Variants in CRLF1 observed in about 807,000 individuals in gnomAD.
CRLF1 encodes the protein cytokine receptor like factor 1.
CRLF1 carries 36 observed loss-of-function variants against 48.9 expected under a neutral mutation model. That is an observed-to-expected ratio of 0.74 (90% CI 0.56 to 0.97). CRLF1 has a LOEUF of 0.97. Among genes scored for constraint, CRLF1 ranks in the 50% least tolerant of loss-of-function variants. The pLI, the probability that CRLF1 is intolerant of heterozygous loss-of-function variation, is 0.00. For synonymous variants in CRLF1, 256 were observed against 253.4 expected, an observed-to-expected ratio of 1.01 and a Z score of -0.10; for missense variants, 534 against 575.1, an observed-to-expected ratio of 0.93 and a Z score of 0.73.
intron 6 of CRLF1, among the ~76,000 whole-genome samples, chr19:18,594,853 G>T (rs1270818833): frequency 6.6e-6 from 1 of 152,104 alleles, no homozygotes; most frequent in East Asian, 1.9e-4. Flanking sequence ...ATGGAGAGAT[G>T]GAGACGCAGG....
chr19:18,596,646 T>G lies in CRLF1; in HGVS notation c.1000A>C (p.Thr334Pro). The change falls in exon 6 of 9, where the codon ACA becomes CCA. Residue 334 changes from threonine to proline, a missense_variant. Coordinates refer to ENST00000392386, the MANE Select transcript of CRLF1 (RefSeq NM_004750.5). ...AGIWSEWSHP[T>P]AASTPRSERP... is the part of the protein sequence containing the mutation. Reference sequence around the variant, plus strand: ...CCACTGCGGGGAGTGGAGGCGGCTGTGGGGTGGCTCCACTCACTCCAGATC... The same window carrying G: ...CCACTGCGGGGAGTGGAGGCGGCTGGGGGGTGGCTCCACTCACTCCAGATC... The G allele has an allele frequency of 6.2e-7, 1 of 1,613,518 alleles. No homozygotes were observed.
chr19:18,593,584 A>C lies in CRLF1; in HGVS notation c.1256-5T>G. 1.2e-6 allele frequency: 2 copies of C among 1,608,236 alleles called. No individual in the cohort carries two copies. The highest frequency in any genetic ancestry group is 1.7e-6 in the Non-Finnish European group (2 of 1,177,764). ...CTACAGCTTATCTGGCAGGACCTGC[A>C]GGCAGAGGGGAAGCCAAGCTAAGCA... On this transcript the variant is annotated splice_region_variant and splice_polypyrimidine_tract_variant and intron_variant, in intron 8 of 8. Transcript: ENST00000392386.
At chr19:18,597,447 T>TTTTTTTTTTTTTG (rs71166529) in intron 4 of CRLF1, among the ~76,000 whole-genome samples, 2 of 128,178 alleles carry the variant, frequency 1.6e-5, no homozygotes, top group African/African-American at 3.3e-5. Context: ...TTTTTTTTTT[T>TTTTTTTTTTTTTG]GAGACGGAGT....
chr19:18,600,512 G>A (rs1413393664), intron 1 of CRLF1, among the ~76,000 whole-genome samples: 1 of 152,144 alleles, frequency 6.6e-6, no homozygotes, highest in Non-Finnish European at 1.5e-5. Context: ...AGGACTACGC[G>A]CCCGCCACCA....
At chr19:18,596,599 C>T in intron 6 of CRLF1, 23 bp downstream of exon 6, 1 of 1,610,886 alleles carries the variant, frequency 6.2e-7, no homozygotes, top group African/African-American at 1.3e-5. Flanking sequence ...CGCTGGATCA[C>T]CCAGCCCTAG....
chr19:18,602,144 C>T (rs906404197), intron 1 of CRLF1, among the ~76,000 whole-genome samples: 5 of 152,194 alleles, frequency 3.3e-5, no homozygotes, highest in Non-Finnish European at 2.9e-5. Context: ...GTGGTTGATG[C>T]CTCTCTCTCC....
chr19:18,597,029 C>T lies in CRLF1; in HGVS notation c.718G>A (p.Asp240Asn), dbSNP rs764135517. 5 of 1,612,632 alleles carry T rather than the reference C, an allele frequency of 3.1e-6. No homozygotes were observed. In the South Asian group the frequency reaches 4.4e-5, roughly 14 times the overall value. ...LDVVTTDPPP[D>N]VHVSRVGGLE... ...CCCCCGACGCGGCTCACGTGCACGT[C>T]GGGCGGGGGGTCCGTGGTCACTGCG... is the stretch of plus-strand genomic sequence containing the variant. Residue 240 changes from aspartate (D) to asparagine (N), a missense_variant, in exon 5 of 9, where the codon GAC becomes AAC. Around this residue, in one of 2 missense-constraint regions of CRLF1, gnomAD observed 528 missense variants for 555.7 expected, o/e 0.95. Transcript: ENST00000392386.
At chr19:18,600,280 C>T (rs1459867577) in intron 1 of CRLF1, among the ~76,000 whole-genome samples, 6 of 146,168 alleles carry the variant, frequency 4.1e-5, no homozygotes, top group African/African-American at 1.5e-4. Context: ...CTCACTGCAA[C>T]CTCCGCCTCC....
chr19:18,593,937 A>C, intron 8 of CRLF1, 128 bp downstream of exon 8: 1 of 1,479,716 alleles, frequency 6.8e-7, no homozygotes, highest in East Asian at 2.5e-5. Flanking sequence ...ACAAAGGAAG[A>C]GGACGGATTC....
chr19:18,593,653 C>CTT, intron 8 of CRLF1, 74 bp from the exon 9 acceptor site: 1 of 1,557,222 alleles, frequency 6.4e-7, no homozygotes, highest in Non-Finnish European at 8.7e-7. Context: ...CTGAAGGAGG[C>CTT]TTCATTCGTG....
Position 18,596,703 on chromosome 19 carries a change from G to A in CRLF1, c.943C>T (p.Pro315Ser). ...TTCTTGGAGCCATAGATGCCAAAGG[G>A]GTTGCAGCGCACTTGCACGAAGTAC... ...TVYFVQVRCNPFGIYGSKKAG... is the reference protein window; with the variant it reads ...TVYFVQVRCNSFGIYGSKKAG... Residue 315 changes from proline to serine, a missense_variant, in exon 6 of 9, where the codon CCC becomes TCC. Pro to Ser is a moderately conservative substitution (Grantham distance 74). Transcript: ENST00000392386. 1.9e-6 allele frequency: 3 copies of A among 1,614,132 alleles called. No individual in the cohort carries two copies. The highest frequency in any genetic ancestry group is 2.5e-6 in the Non-Finnish European group (3 of 1,180,042).
rs1001570616 is a variant in CRLF1, at chr19:18,606,591, C to T, written c.66G>A (p.Leu22=). Residue 22 remains leucine (L), a synonymous_variant, in exon 1 of 9, where the codon CTG becomes CTA. Coordinates refer to ENST00000392386, the MANE Select transcript of CRLF1 (RefSeq NM_004750.5). The surrounding 1 kb of genome is among the most constrained non-coding windows in gnomAD (Gnocchi z 4.8). ...SARRPPPLLP[L]LLLLCVLGAP... is the part of the protein sequence containing the mutation. ...CCCCGAGGACGCAGAGCAGCAGCAG[C>T]AGGGGCAGCAACGGCGGCGGCCGCC... 17 of 1,012,514 alleles carry T rather than the reference C, an allele frequency of 1.7e-5. No individual in the cohort carries two copies. Among genetic ancestry groups the T allele is most frequent in the Non-Finnish European group, 1.9e-5 (16 of 825,994 alleles). The allele number at this position is 1,012,514 out of a possible 1,614,324, so 62.7% of individuals were successfully genotyped here. A position where few individuals can be genotyped will look rare whatever the true frequency, so the allele number is the denominator to read the frequency against.
chr19:18,605,093 T>G (rs1245656403), intron 1 of CRLF1, among the ~76,000 whole-genome samples: 1 of 151,920 alleles, frequency 6.6e-6, no homozygotes, highest in Non-Finnish European at 1.5e-5. Context: ...GGTGTGAGAA[T>G]CTTTTATTTA....
intron 1 of CRLF1, among the ~76,000 whole-genome samples, chr19:18,600,424 AGT>A (rs1401066239): frequency 1.7e-4 from 26 of 151,270 alleles, no homozygotes; most frequent in Non-Finnish European, 2.9e-5. Flanking sequence ...GCTGGAGTGC[AGT>A]GGCACGATCT....
At chr19:18,604,688 C>G (rs918096960) in intron 1 of CRLF1, among the ~76,000 whole-genome samples, 1 of 152,136 alleles carries the variant, frequency 6.6e-6, no homozygotes, top group Non-Finnish European at 1.5e-5. Context: ...AGGGGAGCAG[C>G]TGGGAACAGC....
Position 18,600,830 on chromosome 19 carries a change from G to T in CRLF1, c.116-984C>A, listed in dbSNP as rs556170834. ...TGCTTTTTATTTTTTTAGCGACAGG[G>T]TCTCACTCTGTTGGCCAGGCTGGAG... On this transcript the variant is annotated intron_variant, in intron 1 of 8. Coordinates refer to ENST00000392386, the MANE Select transcript of CRLF1 (RefSeq NM_004750.5). 1.1e-4 allele frequency among the ~76,000 whole-genome samples: 16 copies of T among 152,070 alleles called. No individual in the cohort carries two copies. In the East Asian group the frequency reaches 1.2e-3, roughly 11 times the overall value.
chr19:18,606,473 C>G lies in CRLF1; in HGVS notation c.115+69G>C, dbSNP rs1471323811. On this transcript the variant is annotated intron_variant, in intron 1 of 8. Transcript: ENST00000392386. This position sits in a 1 kb window ranked among gnomAD's most constrained non-coding sequence, Gnocchi z 4.8. Reference sequence around the variant, plus strand: ...AGGTGGCGCCCGCGCCCCCTCCCCCCGCGGCTGCCCCCGGGGCGCCCGCCC... The same window carrying G: ...AGGTGGCGCCCGCGCCCCCTCCCCCGGCGGCTGCCCCCGGGGCGCCCGCCC... 1 of 1,072,682 alleles carries G rather than the reference C, an allele frequency of 9.3e-7. No homozygotes were observed. The highest frequency in any genetic ancestry group is 1.1e-6 in the Non-Finnish European group (1 of 884,656). 66.4% of individuals were successfully genotyped at this position (1,072,682 alleles called of 1,614,324 possible).
rs1976297590 is a variant in CRLF1, at chr19:18,606,464, C to T, written c.115+78G>A. ...CGGCCGTCCAGGTGGCGCCCGCGCCCCCTCCCCCCGCGGCTGCCCCCGGGG... is the reference window on the plus strand; with the variant it reads ...CGGCCGTCCAGGTGGCGCCCGCGCCTCCTCCCCCCGCGGCTGCCCCCGGGG... On this transcript the variant is annotated intron_variant, in intron 1 of 8. Coordinates refer to ENST00000392386, the MANE Select transcript of CRLF1 (RefSeq NM_004750.5). The surrounding 1 kb of genome is among the most constrained non-coding windows in gnomAD (Gnocchi z 4.8). The T allele has an allele frequency of 1.9e-6, 2 of 1,046,754 alleles. No individual in the cohort carries two copies. Among genetic ancestry groups the T allele is most frequent in the East Asian group, 1.2e-4 (2 of 17,032 alleles). 64.8% of individuals were successfully genotyped at this position (1,046,754 alleles called of 1,614,324 possible). A position where few individuals can be genotyped will look rare whatever the true frequency, so the allele number is the denominator to read the frequency against.
rs1976099315 is a variant in CRLF1 at position 18,594,275 on chromosome 19, ATCCAGGC to A, written c.1177_1183del (p.Ala393CysfsTer31). ...GTTGCGGGTCTTGTGCGACTTCTGCATCCAGGCTCGCCACTGGTCGTAGAGGCGGAAG... is the reference window on the plus strand; with the variant it reads ...GTTGCGGGTCTTGTGCGACTTCTGCATCGCCACTGGTCGTAGAGGCGGAAG... On this transcript the variant is annotated frameshift_variant, in exon 7 of 9. Coordinates refer to ENST00000392386, the MANE Select transcript of CRLF1 (RefSeq NM_004750.5). LOFTEE classifies it high-confidence loss of function. 6.2e-7 allele frequency: 1 copy of A among 1,610,792 alleles called. No homozygotes were observed. Among genetic ancestry groups the A allele is most frequent in the South Asian group, 1.1e-5 (1 of 91,030 alleles).
Sources: gnomAD v4.1 joint callset for allele counts (sites outside exome capture counted in the v4.1 genomes callset) on GRCh38, gnomAD v4.1.1 for gene constraint, gnomAD v4.1.1 regional missense constraint, Gnocchi (gnomAD v3.1) non-coding constraint, MANE v1.5 for transcripts, NCBI Gene and HGNC (gene_info 2026-07-23, HGNC 2026-07-21) for gene names.